The following SYT9 variants were observed in gnomAD, a reference collection of about 807,000 sequenced individuals.
SYT9 encodes the protein synaptotagmin 9.
SYT9 carries 22 observed loss-of-function variants against 48.4 expected under a neutral mutation model. The observed-to-expected ratio is 0.45, with a 90% CI of 0.32 to 0.65. The LOEUF (loss-of-function observed/expected upper bound fraction) is 0.65, where lower values mean the gene tolerates loss of function less well. Among genes scored for constraint, SYT9 ranks in the 30% least tolerant of loss-of-function variants. The pLI, the probability that SYT9 is intolerant of heterozygous loss-of-function variation, is 0.03. For synonymous variants in SYT9, 265 were observed against 245.0 expected, an observed-to-expected ratio of 1.08 and a Z score of -0.76; for missense variants, 577 against 622.0, an observed-to-expected ratio of 0.93 and a Z score of 0.77.
chr11:7,418,350 G>A (rs995031705), intron 5 of SYT9, among the ~76,000 whole-genome samples: 3 of 152,116 alleles, frequency 2.0e-5, no homozygotes, highest in Non-Finnish European at 2.9e-5. Context: ...TTTCTGCCCC[G>A]TTCTCATTTT....
chr11:7,251,860 C>G, upstream of SYT9: 1 of 234,922 alleles, frequency 4.3e-6, no homozygotes, highest in Non-Finnish European at 8.2e-6. Flanking sequence ...CTGGCCCCGC[C>G]CCCCGGCGGC....
intron 6 of SYT9, chr11:7,457,751 T>C (rs555887493): frequency 6.6e-6 from 1 of 152,192 alleles, no homozygotes; most frequent in Non-Finnish European, 1.5e-5. Flanking sequence ...TGCAGTGTCA[T>C]GAGGGCTCAA....
chr11:7,390,462 A>G (rs756501309), intron 3 of SYT9, among the ~76,000 whole-genome samples: 24 of 152,210 alleles, frequency 1.6e-4, no homozygotes, highest in Non-Finnish European at 2.6e-4. Context: ...TGATGGTTTT[A>G]AGAAACGGTA....
At chr11:7,402,704 C>T (rs1036386040) in intron 3 of SYT9, among the ~76,000 whole-genome samples, 1 of 151,922 alleles carries the variant, frequency 6.6e-6, no homozygotes, top group African/African-American at 2.4e-5. Context: ...CTTTAAAAAT[C>T]TTTTTTTGTG....
chr11:7,263,431 G>A (rs781550751), intron 1 of SYT9, among the ~76,000 whole-genome samples: 3 of 152,130 alleles, frequency 2.0e-5, no homozygotes, highest in Non-Finnish European at 2.9e-5. Flanking sequence ...TATCATACTA[G>A]GGATTAGGTT....
intron 3 of SYT9, among the ~76,000 whole-genome samples, chr11:7,369,668 T>C (rs1850320035): frequency 6.6e-6 from 1 of 151,826 alleles, no homozygotes; most frequent in African/African-American, 2.4e-5. Context: ...TGTAAGGAAG[T>C]GATCCAGTTT....
At chr11:7,360,826 G>A (rs1420304627) in intron 3 of SYT9, among the ~76,000 whole-genome samples, 1 of 152,146 alleles carries the variant, frequency 6.6e-6, no homozygotes, top group African/African-American at 2.4e-5. Flanking sequence ...TCTCCTTGAA[G>A]ATTATCTTAG....
upstream of SYT9, among the ~76,000 whole-genome samples, chr11:7,247,618 T>G (rs1847809871): frequency 6.8e-6 from 1 of 146,228 alleles, no homozygotes. Context: ...CATATATACG[T>G]GTATATATAC....
chr11:7,343,169 T>A (rs1279034458), intron 3 of SYT9, among the ~76,000 whole-genome samples: 1 of 152,250 alleles, frequency 6.6e-6, no homozygotes, highest in South Asian at 2.1e-4. Flanking sequence ...TTCCCCATTC[T>A]TTTGGTGATT....
chr11:7,323,245 TAAG>T (rs575532654), intron 3 of SYT9, among the ~76,000 whole-genome samples: 3 of 152,154 alleles, frequency 2.0e-5, no homozygotes, highest in Non-Finnish European at 4.4e-5. Context: ...ATTGTATCTC[TAAG>T]AAGTTTGACC....
intron 3 of SYT9, among the ~76,000 whole-genome samples, chr11:7,415,662 T>C (rs556168883): frequency 3.9e-5 from 6 of 152,150 alleles, no homozygotes; most frequent in African/African-American, 1.2e-4. Context: ...GTAGTAGTGA[T>C]ATGAGTGGAG....
chr11:7,427,465 G>C (rs1461319047), intron 6 of SYT9: 2 of 152,314 alleles, frequency 1.3e-5, no homozygotes, highest in South Asian at 4.1e-4. Context: ...CCAAGTCCTA[G>C]AGCGCTCAAT....
chr11:7,360,335 G>A (rs1363137342), intron 3 of SYT9, among the ~76,000 whole-genome samples: 1 of 152,142 alleles, frequency 6.6e-6, no homozygotes, highest in Non-Finnish European at 1.5e-5. Flanking sequence ...GGCATTGCGG[G>A]CTCTTTTTTG....
intron 6 of SYT9, among the ~76,000 whole-genome samples, chr11:7,459,679 T>C (rs1848207288): frequency 6.6e-6 from 1 of 152,114 alleles, no homozygotes; most frequent in African/African-American, 2.4e-5. Flanking sequence ...TTTGCAGGCA[T>C]GTTAAGATGA....
At chr11:7,400,206 A>T (rs781643618) in intron 3 of SYT9, among the ~76,000 whole-genome samples, 15 of 152,206 alleles carry the variant, frequency 9.9e-5, no homozygotes, top group East Asian at 3.8e-4. Flanking sequence ...ATGATGCCAT[A>T]TATGCTGTTG....
chr11:7,324,871 G>A (rs925289400), intron 3 of SYT9, among the ~76,000 whole-genome samples: 6 of 151,996 alleles, frequency 3.9e-5, no homozygotes, highest in Admixed American at 3.9e-4. Context: ...TCTACATCTT[G>A]AATAATATTT....
chr11:7,321,509 T>G (rs967942931), intron 3 of SYT9, among the ~76,000 whole-genome samples: 1 of 152,228 alleles, frequency 6.6e-6, no homozygotes, highest in East Asian at 1.9e-4. Flanking sequence ...ATAAGTCATA[T>G]GTGATTATTA....
intron 1 of SYT9, among the ~76,000 whole-genome samples, chr11:7,264,978 T>G (rs1848151679): frequency 6.6e-6 from 1 of 152,082 alleles, no homozygotes; most frequent in Non-Finnish European, 1.5e-5. Context: ...AAGCTGGGTG[T>G]TTTTTAAAGA....
intron 1 of SYT9, among the ~76,000 whole-genome samples, chr11:7,268,274 G>A (rs1282955055): frequency 6.6e-6 from 1 of 151,876 alleles, no homozygotes; most frequent in Non-Finnish European, 1.5e-5. Context: ...GGAATTGCTA[G>A]GCTTATGCAC....
Sources: allele counts gnomAD v4.1 joint callset (sites outside exome capture counted in the v4.1 genomes callset), GRCh38; gene constraint gnomAD v4.1.1; transcripts MANE v1.5; gene names NCBI Gene and HGNC (gene_info 2026-07-23, HGNC 2026-07-21).